The following MORC2 variants were observed in gnomAD, a reference collection of about 807,000 sequenced individuals.
MORC2 encodes ATPase MORC2.
Under a neutral mutation model 136.0 loss-of-function variants are expected in MORC2, and 30 were observed. That is an observed-to-expected ratio of 0.22 (90% CI 0.17 to 0.30). The LOEUF (loss-of-function observed/expected upper bound fraction) is 0.30. MORC2 is among the 10% of genes least tolerant of loss of function. The pLI is 1.00. For synonymous variants in MORC2, 439 were observed against 487.0 expected, an observed-to-expected ratio of 0.90 and a Z score of 1.30; for missense variants, 922 against 1,333.1, an observed-to-expected ratio of 0.69 and a Z score of 4.80.
rs751280193 is a variant in MORC2 at position 30,939,955 on chromosome 22, T to TTAC, written c.987+1_987+3dup. 6.2e-7 allele frequency: 1 copy of TTAC among 1,613,556 alleles called. No homozygotes were observed. Among genetic ancestry groups the TTAC allele is most frequent in the Admixed American group, 1.7e-5 (1 of 60,006 alleles). On this transcript the variant is annotated splice_donor_region_variant and intron_variant, in intron 11 of 25. Transcript: ENST00000397641. ...GAGAACAGCCGCCTGGGCCGGGACC[T>TTAC]TACCCTGGAGTCCCGCGTGAGGTCT...
rs2040467362 is a variant in MORC2 at position 30,925,338 on chromosome 22, A to G, written c.*1465T>C. 3.9e-6 allele frequency: 1 copy of G among 253,568 alleles called. No individual in the cohort carries two copies. The allele number at this position is 253,568 out of a possible 1,614,324, so 15.7% of individuals were successfully genotyped here. Reference sequence around the variant, plus strand: ...AGGAATCACCAGCTCAAGAAACCCCAAGACTTGGACAGTCTTCCAGCAGAA... The same window carrying G: ...AGGAATCACCAGCTCAAGAAACCCCGAGACTTGGACAGTCTTCCAGCAGAA... On this transcript the variant is annotated 3_prime_UTR_variant, in exon 26 of 26. Coordinates refer to ENST00000397641, the MANE Select transcript of MORC2 (RefSeq NM_001303256.3).
chr22:30,963,615 G>T (rs530163353), intron 1 of MORC2, among the ~76,000 whole-genome samples: 6 of 151,588 alleles, frequency 4.0e-5, no homozygotes, highest in African/African-American at 1.5e-4. Flanking sequence ...GGAACTCCTG[G>T]CCTCAAGTGA....
chr22:30,948,052 C>T (rs529627186), intron 5 of MORC2, among the ~76,000 whole-genome samples: 25 of 152,356 alleles, frequency 1.6e-4, no homozygotes, highest in African/African-American at 6.0e-4. Flanking sequence ...TAATAACACT[C>T]TCAACTTCTA....
chr22:30,928,475 C>T (rs904529162), intron 24 of MORC2, among the ~76,000 whole-genome samples: 11 of 152,162 alleles, frequency 7.2e-5, no homozygotes, highest in South Asian at 2.1e-4. Context: ...GCCGTGAGGA[C>T]GCGTGAGGGG....
chr22:30,947,500 A>AT (rs1361951130), intron 5 of MORC2, among the ~76,000 whole-genome samples: 5 of 152,172 alleles, frequency 3.3e-5, no homozygotes, highest in African/African-American at 1.2e-4. Context: ...GGAAAGCCTC[A>AT]TTACTCTCTT....
At position 30,949,849 on chromosome 22, in the gene MORC2, G is replaced by A; in HGVS notation, c.227-7C>T. ...ATCACACTGGCAGCATCACCTGAAA[G>A]GGCAGACACAAGAGAAAGTGAAAAG... On this transcript the variant is annotated splice_polypyrimidine_tract_variant and splice_region_variant and intron_variant, in intron 4 of 25. Transcript: ENST00000397641. 1.2e-6 allele frequency: 2 copies of A among 1,613,798 alleles called. No individual in the cohort carries two copies. The highest frequency in any genetic ancestry group is 1.1e-5 in the South Asian group (1 of 91,082).
At chr22:30,930,994 C>T (rs769024991) in intron 24 of MORC2, among the ~76,000 whole-genome samples, 8 of 152,208 alleles carry the variant, frequency 5.3e-5, no homozygotes, top group Non-Finnish European at 7.3e-5. Flanking sequence ...CTCCAATTCC[C>T]ACAGACCTGA....
chr22:30,956,754 C>G lies in MORC2; in HGVS notation c.157+9G>C, dbSNP rs1447960800. ...AACTAGACATTAGAAGGACTAAAGCCTGACTTACCTGCATAAATATCTATT... is the reference window on the plus strand; with the variant it reads ...AACTAGACATTAGAAGGACTAAAGCGTGACTTACCTGCATAAATATCTATT... On this transcript the variant is annotated intron_variant, in intron 3 of 25. Coordinates refer to ENST00000397641, the MANE Select transcript of MORC2 (RefSeq NM_001303256.3). 2 of 1,540,354 alleles carry G rather than the reference C, an allele frequency of 1.3e-6. No individual in the cohort carries two copies. The highest frequency in any genetic ancestry group is 1.8e-6 in the Non-Finnish European group (2 of 1,138,456).
rs543015037 is a variant in MORC2 at position 30,925,441 on chromosome 22, A to T, written c.*1362T>A. ...AGTCTGGGAAGGTCCAAAACCCACC[A>T]GACAGGCACATCCAGTGGGGAAAAG... On this transcript the variant is annotated 3_prime_UTR_variant, in exon 26 of 26. Transcript: ENST00000397641. The T allele has an allele frequency of 6.2e-6, 1 of 161,358 alleles. No individual in the cohort carries two copies. Among genetic ancestry groups the T allele is most frequent in the South Asian group, 1.8e-4 (1 of 5,498 alleles). The allele number at this position is 161,358 out of a possible 1,614,324, so 10.0% of individuals were successfully genotyped here.
At chr22:30,960,046 C>A (rs1459682295) in intron 1 of MORC2, among the ~76,000 whole-genome samples, 1 of 152,232 alleles carries the variant, frequency 6.6e-6, no homozygotes, top group Non-Finnish European at 1.5e-5. Context: ...TGGCTCACTG[C>A]AACCTCCACC....
chr22:30,939,752 C>T, intron 11 of MORC2, 46 bp from the exon 12 acceptor site: 1 of 1,568,100 alleles, frequency 6.4e-7, no homozygotes, highest in Non-Finnish European at 8.7e-7. Flanking sequence ...CTCTAGGCCA[C>T]AGCAGGGAAT....
chr22:30,927,846 G>C (rs2040512300), intron 25 of MORC2, among the ~76,000 whole-genome samples, 173 bp downstream of exon 25: 1 of 152,234 alleles, frequency 6.6e-6, no homozygotes, highest in Non-Finnish European at 1.5e-5. Flanking sequence ...GCTGGGCTGA[G>C]GACCAGGCAG....
At chr22:30,954,214 G>C (rs1048721316) in intron 3 of MORC2, among the ~76,000 whole-genome samples, 1 of 152,098 alleles carries the variant, frequency 6.6e-6, no homozygotes, top group African/African-American at 2.4e-5. Context: ...AGGATCACTT[G>C]AGCCCGAGAG....
intron 1 of MORC2, among the ~76,000 whole-genome samples, chr22:30,961,823 T>C (rs1234380955): frequency 1.3e-5 from 2 of 152,194 alleles, no homozygotes; most frequent in African/African-American, 2.4e-5. Context: ...TATTTTCCGA[T>C]AGCATCCCAC....
rs1380344040 is a variant in MORC2, at chr22:30,932,750, C to T, written c.2542G>A (p.Asp848Asn). 1 of 1,614,080 alleles carries T rather than the reference C, an allele frequency of 6.2e-7. No individual in the cohort carries two copies. Among genetic ancestry groups the T allele is most frequent in the Non-Finnish European group, 8.5e-7 (1 of 1,180,032 alleles). Reference protein sequence around the residue: ...RDRWVEKGSEDVRLMKPPSPE... With the variant: ...RDRWVEKGSENVRLMKPPSPE... ...GAAGGGGGTTTCATCAGCCGCACAT[C>T]CTCACTGCCTTTCTCCACCCTGTGG... Residue 848 changes from aspartate to asparagine, a missense_variant, in exon 23 of 26, where the codon GAT becomes AAT. Coordinates refer to ENST00000397641, the MANE Select transcript of MORC2 (RefSeq NM_001303256.3). This position sits in a 1 kb window ranked among gnomAD's most constrained non-coding sequence, Gnocchi z 4.4.
rs1337135631 is a variant in MORC2 at position 30,928,115 on chromosome 22, T to G, written c.2934A>C (p.Glu978Asp). Residue 978 changes from glutamate (E) to aspartate (D), a missense_variant, in exon 25 of 26, where the codon GAA (glutamate) becomes GAC (aspartate). Around this residue, in one of 9 missense-constraint regions of MORC2, gnomAD observed 263 missense variants for 388.3 expected, o/e 0.68. Coordinates refer to ENST00000397641, the MANE Select transcript of MORC2 (RefSeq NM_001303256.3). ...RADSRAKASE[E>D]SLRTSERKLR... ...GCTTCCTCTCGGAGGTGCGCAGGCT[T>G]TCCTCGGAGGCCTTGGCCCGGGAGT... is the stretch of plus-strand genomic sequence containing the variant. The G allele has an allele frequency of 1.9e-6, 3 of 1,614,126 alleles. No individual in the cohort carries two copies. Among genetic ancestry groups the G allele is most frequent in the African/African-American group, 1.3e-5 (1 of 75,026 alleles).
chr22:30,935,666 G>GGCAT (rs2040641855), intron 17 of MORC2, among the ~76,000 whole-genome samples: 1 of 130,122 alleles, frequency 7.7e-6, no homozygotes, highest in Non-Finnish European at 1.7e-5. Flanking sequence ...CAGCTAGGGA[G>GGCAT]GCATATAAAA....
chr22:30,940,662 T>C, intron 10 of MORC2, 96 bp downstream of exon 10: 2 of 1,052,796 alleles, frequency 1.9e-6, no homozygotes, highest in Non-Finnish European at 3.0e-6. Flanking sequence ...TGTCCCTGAG[T>C]TGTGGACTCA....
chr22:30,940,750 G>A lies in MORC2; in HGVS notation c.904+8C>T, dbSNP rs768371189. 1 of 1,613,450 alleles carries A rather than the reference G, an allele frequency of 6.2e-7. No homozygotes were observed. The highest frequency in any genetic ancestry group is 8.5e-7 in the Non-Finnish European group (1 of 1,179,424). Reference sequence around the variant, plus strand: ...CCCCCCCAACTCCTGCACCCAGAGTGGCATTACCAATCCTTGCTACGTGCT... The same window carrying A: ...CCCCCCCAACTCCTGCACCCAGAGTAGCATTACCAATCCTTGCTACGTGCT... On this transcript the variant is annotated splice_region_variant and intron_variant, in intron 10 of 25. Transcript: ENST00000397641.
Sources: allele counts gnomAD v4.1 joint callset (sites outside exome capture counted in the v4.1 genomes callset), GRCh38; gene constraint gnomAD v4.1.1; regional missense constraint gnomAD v4.1.1; non-coding constraint Gnocchi (gnomAD v3.1); transcripts MANE v1.5; gene names NCBI Gene and HGNC (gene_info 2026-07-23, HGNC 2026-07-21).